The following PIK3C2A variants were observed in gnomAD, a reference collection of about 807,000 sequenced individuals.
PIK3C2A encodes phosphatidylinositol-4-phosphate 3-kinase catalytic subunit type 2 alpha.
Under a neutral mutation model 204.5 loss-of-function variants are expected in PIK3C2A, and 97 were observed. The ratio of observed to expected loss-of-function variants is 0.47; its 90% CI spans 0.40 to 0.56. PIK3C2A has a LOEUF of 0.56. PIK3C2A is among the 20% of genes least tolerant of loss of function. PIK3C2A has a pLI of 0.00. For missense variants in PIK3C2A, 1,735 were observed against 1,969.2 expected (o/e 0.88, Z 2.25); for synonymous variants, 653 against 664.4 (o/e 0.98, Z 0.26).
At chr11:17,201,525 CAAAAA>C (rs869055451) in intron 1 of PIK3C2A, among the ~76,000 whole-genome samples, 1 of 29,002 alleles carries the variant, frequency 3.4e-5, no homozygotes, top group Non-Finnish European at 7.0e-5. Context: ...GACTCCGTCT[CAAAAA>C]AAAAAAAAAA....
chr11:17,144,092 T>C lies in PIK3C2A; in HGVS notation c.1704+1576A>G, dbSNP rs187510880. ...ATGGATTATAAGGATAATAATCACA[T>C]AGCTATCTCCAATGTCATCTGCCAA... On this transcript the variant is annotated intron_variant, in intron 8 of 32. Transcript: ENST00000691414. Among the ~76,000 whole-genome samples, 4 of 152,318 alleles carry C rather than the reference T, an allele frequency of 2.6e-5. No individual in the cohort carries two copies. In the East Asian group the frequency reaches 7.7e-4, roughly 29 times the overall value.
chr11:17,106,767 A>G (rs781727519), intron 22 of PIK3C2A, among the ~76,000 whole-genome samples: 7 of 152,204 alleles, frequency 4.6e-5, no homozygotes, highest in Non-Finnish European at 8.8e-5. Flanking sequence ...ATTACAAACA[A>G]GAAGACACTG....
At chr11:17,149,211 A>C (rs1239333241) in intron 4 of PIK3C2A, among the ~76,000 whole-genome samples, 2 of 152,186 alleles carry the variant, frequency 1.3e-5, no homozygotes, top group Non-Finnish European at 2.9e-5. Context: ...ATGATTTAAA[A>C]TATACAGGAG....
At chr11:17,143,444 A>C (rs2137415878) in intron 8 of PIK3C2A, among the ~76,000 whole-genome samples, 1 of 152,198 alleles carries the variant, frequency 6.6e-6, no homozygotes, top group South Asian at 2.1e-4. Context: ...ACAGGACTAA[A>C]CAATTCACCC....
chr11:17,106,963 T>C (rs1016798599), intron 22 of PIK3C2A, among the ~76,000 whole-genome samples: 25 of 152,206 alleles, frequency 1.6e-4, no homozygotes, highest in African/African-American at 5.3e-4. Context: ...GGCCTCCTAA[T>C]TGAAATATAA....
chr11:17,158,557 C>T, intron 2 of PIK3C2A, among the ~76,000 whole-genome samples: 1 of 152,012 alleles, frequency 6.6e-6, no homozygotes, highest in South Asian at 2.1e-4. Flanking sequence ...CCCAGGCAGT[C>T]TGGCTTCAAT....
intron 11 of PIK3C2A, 129 bp downstream of exon 11, chr11:17,134,690 G>C (rs1849813109): frequency 1.5e-6 from 1 of 679,038 alleles, no homozygotes; most frequent in Middle Eastern, 4.1e-4. Context: ...CTTTTTAGTA[G>C]AGATGAGGTC....
rs1234086657 is a variant in PIK3C2A at position 17,150,730 on chromosome 11, TG to T, written c.1170-76del. ...TGAGGGCTCTGAACAAGGCTTTACA[TG>T]TTTACAGCCACTCAGTTCTGTGTCT... On this transcript the variant is annotated intron_variant, in intron 3 of 32. Transcript: ENST00000691414. The T allele has an allele frequency of 3.0e-6, 3 of 1,014,892 alleles. No homozygotes were observed. In the African/African-American group the frequency reaches 5.0e-5, roughly 17 times the overall value. 62.9% of individuals were successfully genotyped at this position (1,014,892 alleles called of 1,614,324 possible).
At chr11:17,119,748 G>A (rs369671639) in intron 16 of PIK3C2A, 38 bp downstream of exon 16, 1 of 1,315,734 alleles carries the variant, frequency 7.6e-7, no homozygotes, top group Non-Finnish European at 1.0e-6. Context: ...TGGAAAAACT[G>A]ACAATAAAAC....
chr11:17,115,372 GAA>G lies in PIK3C2A; in HGVS notation c.3217-909_3217-908del, dbSNP rs58726258. Reference sequence around the variant, plus strand: ...ACATGGCAAAACCCTGTCCCTACAAGAAAAAAAAAAAAAAAAAAAAAAGACAG... The same window carrying G: ...ACATGGCAAAACCCTGTCCCTACAAGAAAAAAAAAAAAAAAAAAAAGACAG... On this transcript the variant is annotated intron_variant, in intron 19 of 32. Coordinates refer to ENST00000691414, the MANE Select transcript of PIK3C2A (RefSeq NM_002645.4). Among the ~76,000 whole-genome samples the G allele has an allele frequency of 7.4e-3, 628 of 84,614 alleles. 7 individuals are homozygous for G. Among genetic ancestry groups the G allele is most frequent in the African/African-American group, 0.023 (472 of 20,950 alleles). The allele number at this position is 84,614 out of a possible 152,430, so 55.5% of individuals were successfully genotyped here. A position where few individuals can be genotyped will look rare whatever the true frequency, so the allele number is the denominator to read the frequency against.
intron 1 of PIK3C2A, among the ~76,000 whole-genome samples, chr11:17,189,549 A>T (rs1208241601): frequency 6.9e-6 from 1 of 144,656 alleles, no homozygotes; most frequent in African/African-American, 2.9e-5. Flanking sequence ...TGGGAGGCAG[A>T]GATTGTGGTT....
At chr11:17,141,223 C>G (rs1458148673) in intron 8 of PIK3C2A, 2 of 151,890 alleles carry the variant, frequency 1.3e-5, no homozygotes, top group African/African-American at 4.8e-5. Context: ...TTCAAAGCCC[C>G]ACCTTCTGCC....
chr11:17,180,732 G>C (rs922880598), intron 1 of PIK3C2A, among the ~76,000 whole-genome samples: 3 of 152,154 alleles, frequency 2.0e-5, no homozygotes, highest in Admixed American at 1.3e-4. Context: ...TGAGGCAGGA[G>C]AATCACTTGA....
intron 2 of PIK3C2A, 23 bp from the exon 3 acceptor site, chr11:17,155,652 A>G (rs2137448778): frequency 7.1e-7 from 1 of 1,407,902 alleles, no homozygotes; most frequent in Non-Finnish European, 1.0e-6. Context: ...AAGTGTTTTT[A>G]TTTTAAAAGT....
Position 17,091,595 on chromosome 11 carries a change from A to G in PIK3C2A, c.4704T>C (p.Ser1568=). The G allele has an allele frequency of 6.2e-7, 1 of 1,613,304 alleles. No individual in the cohort carries two copies. Among genetic ancestry groups the G allele is most frequent in the Non-Finnish European group, 8.5e-7 (1 of 1,179,232 alleles). The change falls in exon 31 of 33, where the codon TCT becomes TCC. Residue 1568 remains serine, a synonymous_variant. Transcript: ENST00000691414. ...TGATGAAAAGAGTACCATTTCGGTAAGAGATGGATAATTTCACAGCTCCTC... is the reference window on the plus strand; with the variant it reads ...TGATGAAAAGAGTACCATTTCGGTAGGAGATGGATAATTTCACAGCTCCTC... ...QIGGAVKLSI[S]YRNGTLFIMV...
chr11:17,103,086 T>C (rs1848695484), intron 23 of PIK3C2A, among the ~76,000 whole-genome samples: 2 of 151,874 alleles, frequency 1.3e-5, no homozygotes, highest in Non-Finnish European at 2.9e-5. Context: ...CAGTCCCTAC[T>C]TAGGTACGTG....
At chr11:17,177,168 C>G (rs1351761664) in intron 1 of PIK3C2A, among the ~76,000 whole-genome samples, 1 of 152,172 alleles carries the variant, frequency 6.6e-6, no homozygotes. Flanking sequence ...TAAATATCAA[C>G]TTTCATCTTC....
intron 1 of PIK3C2A, among the ~76,000 whole-genome samples, chr11:17,190,041 G>C (rs893210572): frequency 6.6e-6 from 1 of 151,832 alleles, no homozygotes; most frequent in Non-Finnish European, 1.5e-5. Context: ...AAGGTGGGTG[G>C]ATCACTTGAG....
intron 19 of PIK3C2A, among the ~76,000 whole-genome samples, chr11:17,116,029 A>G (rs1432076448): frequency 6.6e-6 from 1 of 152,202 alleles, no homozygotes; most frequent in African/African-American, 2.4e-5. Context: ...CACAAAAGAA[A>G]AAAATAGATA....
Sources: gnomAD v4.1 joint callset for allele counts (sites outside exome capture counted in the v4.1 genomes callset) on GRCh38, gnomAD v4.1.1 for gene constraint, MANE v1.5 for transcripts, NCBI Gene and HGNC (gene_info 2026-07-23, HGNC 2026-07-21) for gene names.